The following KCNMA1 variants were observed in gnomAD, a reference collection of about 807,000 sequenced individuals.
KCNMA1 encodes the protein potassium calcium-activated channel subfamily M alpha 1, also known as Calcium-activated potassium channel subunit alpha-1.
Under a neutral mutation model 140.0 loss-of-function variants are expected in KCNMA1, and 29 were observed. The observed-to-expected ratio is 0.21, with a 90% confidence interval of 0.15 to 0.28. KCNMA1 has a LOEUF of 0.28. Among genes scored for constraint, KCNMA1 ranks in the 10% least tolerant of loss-of-function variants. The probability of loss-of-function intolerance (pLI) is 1.00; values close to 1 mark genes in which losing one functional copy is unlikely to be tolerated. For missense variants in KCNMA1, 880 were observed against 1,602.2 expected, an observed-to-expected ratio of 0.55 and a Z score of 7.70; for synonymous variants, 612 against 611.9, an observed-to-expected ratio of 1.00 and a Z score of 0.00.
chr10:77,408,399 T>C (rs1164845461), intron 1 of KCNMA1, among the ~76,000 whole-genome samples: 2 of 152,086 alleles, frequency 1.3e-5, no homozygotes, highest in East Asian at 1.9e-4. Flanking sequence ...CATGTGTGTG[T>C]GCATGTGTGA....
intron 16 of KCNMA1, among the ~76,000 whole-genome samples, chr10:77,027,294 G>T (rs1483142304): frequency 1.3e-5 from 2 of 152,278 alleles, no homozygotes; most frequent in East Asian, 3.9e-4. Context: ...CTGCCTCTGA[G>T]CTCCACTCTC....
At chr10:77,407,465 A>G (rs1055716919) in intron 1 of KCNMA1, among the ~76,000 whole-genome samples, 4 of 152,256 alleles carry the variant, frequency 2.6e-5, no homozygotes, top group Non-Finnish European at 5.9e-5. Context: ...GGTGCCAGCA[A>G]CTAAGAATTA....
chr10:77,569,832 A>C (rs2070189834), intron 1 of KCNMA1, among the ~76,000 whole-genome samples: 1 of 152,178 alleles, frequency 6.6e-6, no homozygotes, highest in Non-Finnish European at 1.5e-5. Flanking sequence ...TTCACAACCT[A>C]CTCATCTGAC....
chr10:77,038,197 C>T (rs2094453702), intron 15 of KCNMA1, among the ~76,000 whole-genome samples: 1 of 152,128 alleles, frequency 6.6e-6, no homozygotes, highest in African/African-American at 2.4e-5. Flanking sequence ...CCACCAAGCG[C>T]TCCGCCTCCC....
intron 18 of KCNMA1, among the ~76,000 whole-genome samples, chr10:77,006,299 A>G (rs540628805): frequency 6.6e-6 from 1 of 152,298 alleles, no homozygotes; most frequent in East Asian, 1.9e-4. Flanking sequence ...AAGAAAAAAA[A>G]CATCTGCCAT....
chr10:77,382,994 G>GTGTATATATATATATA (rs1491457588), intron 2 of KCNMA1, among the ~76,000 whole-genome samples: 4 of 46,434 alleles, frequency 8.6e-5, no homozygotes, highest in African/African-American at 3.8e-4. Context: ...GTGTGTGTGT[G>GTGTATATATATATATA]TATATATATA....
At chr10:77,182,519 G>A (rs904287102) in intron 5 of KCNMA1, among the ~76,000 whole-genome samples, 2 of 152,184 alleles carry the variant, frequency 1.3e-5, no homozygotes, top group African/African-American at 4.8e-5. Flanking sequence ...AAAGGAGGAG[G>A]CAGTGATGGA....
At position 77,291,341 on chromosome 10, in the gene KCNMA1, T is replaced by C. The variant is rs187891789; in HGVS notation, c.541-40085A>G. Among the ~76,000 whole-genome samples the C allele has an allele frequency of 8.5e-5, 13 of 152,270 alleles. No homozygotes were observed. In the East Asian group the frequency reaches 2.1e-3, roughly 25 times the overall value. ...TCTAACACTTAAATGGGAAAAACTGTTGCAGCTCAAAATTCAACTCTCATG... is the reference window on the plus strand; with the variant it reads ...TCTAACACTTAAATGGGAAAAACTGCTGCAGCTCAAAATTCAACTCTCATG... On this transcript the variant is annotated intron_variant, in intron 2 of 27. Transcript: ENST00000286628.
intron 11 of KCNMA1, among the ~76,000 whole-genome samples, chr10:77,085,382 C>T (rs1224205870): frequency 6.6e-6 from 1 of 152,168 alleles, no homozygotes. Context: ...GGGGTTTATT[C>T]CTTAGAGGGG....
intron 1 of KCNMA1, among the ~76,000 whole-genome samples, chr10:77,571,254 CT>C (rs750827415): frequency 4.6e-5 from 7 of 152,312 alleles, no homozygotes; most frequent in South Asian, 2.1e-4. Context: ...GTTTCCTCAT[CT>C]GTTTTGGATT....
At chr10:77,485,167 C>T (rs1185822226) in intron 1 of KCNMA1, among the ~76,000 whole-genome samples, 2 of 152,226 alleles carry the variant, frequency 1.3e-5, no homozygotes, top group African/African-American at 4.8e-5. Flanking sequence ...ATGAGCAACC[C>T]CCATCAGTGT....
chr10:77,264,572 G>C (rs1370057521), intron 2 of KCNMA1, among the ~76,000 whole-genome samples: 3 of 152,164 alleles, frequency 2.0e-5, no homozygotes, highest in South Asian at 2.1e-4. Context: ...CAAGACAAGG[G>C]CCAGAAAATG....
chr10:77,233,923 C>T (rs1160448200), intron 3 of KCNMA1, among the ~76,000 whole-genome samples: 2 of 152,080 alleles, frequency 1.3e-5, no homozygotes, highest in Non-Finnish European at 2.9e-5. Context: ...AGTGGCACCC[C>T]GAACAGTGAC....
chr10:77,060,562 T>C (rs1246645137), intron 14 of KCNMA1, among the ~76,000 whole-genome samples: 1 of 152,192 alleles, frequency 6.6e-6, no homozygotes, highest in Admixed American at 6.5e-5. Flanking sequence ...GTCTCACCCA[T>C]AACTGATTAG....
intron 2 of KCNMA1, chr10:77,350,738 G>A (rs1350068439): frequency 6.6e-6 from 1 of 152,216 alleles, no homozygotes; most frequent in Non-Finnish European, 1.5e-5. Flanking sequence ...GGGTGGGGAG[G>A]GTGTCTCTCT....
At chr10:77,509,339 G>A (rs1008766110) in intron 1 of KCNMA1, among the ~76,000 whole-genome samples, 8 of 152,028 alleles carry the variant, frequency 5.3e-5, no homozygotes, top group East Asian at 3.9e-4. Flanking sequence ...GGCTAGTCTC[G>A]AACTCGTGAC....
At chr10:77,354,134 G>A (rs1482829660) in intron 2 of KCNMA1, among the ~76,000 whole-genome samples, 4 of 152,070 alleles carry the variant, frequency 2.6e-5, no homozygotes, top group East Asian at 1.9e-4. Flanking sequence ...CTACAGATGC[G>A]TGCCACCACA....
intron 1 of KCNMA1, among the ~76,000 whole-genome samples, chr10:77,469,892 C>T (rs566629850): frequency 6.6e-5 from 10 of 152,292 alleles, no homozygotes; most frequent in Non-Finnish European, 1.0e-4. Context: ...GCCGGGAAGC[C>T]GCTGATAGCT....
chr10:77,026,723 A>T (rs897958369), intron 16 of KCNMA1, among the ~76,000 whole-genome samples: 8 of 152,152 alleles, frequency 5.3e-5, no homozygotes, highest in African/African-American at 1.7e-4. Context: ...GAGCAATCTG[A>T]TCTGGTAGTT....
Sources: allele counts gnomAD v4.1 joint callset (sites outside exome capture counted in the v4.1 genomes callset), GRCh38; gene constraint gnomAD v4.1.1; transcripts MANE v1.5; gene names NCBI Gene and HGNC (gene_info 2026-07-23, HGNC 2026-07-21).